The following VPS36 variants were observed in gnomAD, a reference collection of about 807,000 sequenced individuals.
VPS36 encodes the protein vacuolar protein-sorting-associated protein 36.
A neutral mutation model predicts 63.5 loss-of-function variants in VPS36; 31 were observed. That is an observed-to-expected ratio of 0.49 (90% confidence interval 0.37 to 0.66). The LOEUF is 0.66. VPS36 is among the 30% of genes least tolerant of loss of function. The pLI, the probability that VPS36 is intolerant of heterozygous loss-of-function variation, is 0.00. For synonymous variants in VPS36, 138 were observed against 157.2 expected, an observed-to-expected ratio of 0.88 and a Z score of 0.91; for missense variants, 338 against 463.7, an observed-to-expected ratio of 0.73 and a Z score of 2.49.
Position 52,415,860 on chromosome 13 carries a change from A to G in VPS36, c.1131T>C (p.Phe377=), listed in dbSNP as rs1160916500. 1 of 1,614,170 alleles carries G rather than the reference A, an allele frequency of 6.2e-7. No homozygotes were observed. Among genetic ancestry groups the G allele is most frequent in the Non-Finnish European group, 8.5e-7 (1 of 1,180,016 alleles). ...CRDDSVEGLR[F]YPNLFMTQS ...TCTGTGTCATAAATAAATTTGGGTA[A>G]AAACGCAGGCCTTCCACTGAGTCAT... The change falls in exon 14 of 14, where the codon TTT becomes TTC. Residue 377 remains phenylalanine, a synonymous_variant. Transcript: ENST00000378060.
chr13:52,413,170 T>A lies in VPS36; in HGVS notation c.*2660A>T, dbSNP rs901723828. ...GAGACTTTTGGGCAAAAGAACCATT[T>A]TAAGTATTTGAGTATGAGAAAGATG... On this transcript the variant is annotated 3_prime_UTR_variant, in exon 14 of 14. Coordinates refer to ENST00000378060, the MANE Select transcript of VPS36 (RefSeq NM_016075.4). 3 of 152,574 alleles carry A rather than the reference T, an allele frequency of 2.0e-5. 1 individual carries two copies. Among genetic ancestry groups the A allele is most frequent in the Admixed American group, 2.0e-4 (3 of 15,306 alleles). The allele number at this position is 152,574 out of a possible 1,614,324, so 9.5% of individuals were successfully genotyped here. A position where few individuals can be genotyped will look rare whatever the true frequency, so the allele number is the denominator to read the frequency against.
At chr13:52,427,481 CCT>C (rs1958114397) in intron 6 of VPS36, among the ~76,000 whole-genome samples, 1 of 152,138 alleles carries the variant, frequency 6.6e-6, no homozygotes, top group Non-Finnish European at 1.5e-5. Context: ...GTGGCGGGCG[CCT>C]GTAGTCCCAG....
intron 5 of VPS36, among the ~76,000 whole-genome samples, chr13:52,434,037 A>G (rs948248221): frequency 6.6e-6 from 1 of 152,190 alleles, no homozygotes; most frequent in Non-Finnish European, 1.5e-5. Flanking sequence ...TTGGCAAGCT[A>G]TTACGTATCA....
chr13:52,432,023 T>C (rs1033572276), intron 6 of VPS36, among the ~76,000 whole-genome samples: 1 of 152,050 alleles, frequency 6.6e-6, no homozygotes, highest in Non-Finnish European at 1.5e-5. Context: ...TCAAATATGC[T>C]AAACTCCATG....
chr13:52,426,446 C>T (rs1958101446), intron 8 of VPS36, among the ~76,000 whole-genome samples: 2 of 152,208 alleles, frequency 1.3e-5, no homozygotes, highest in Non-Finnish European at 2.9e-5. Context: ...ACAGCCACTC[C>T]TTGTACATTT....
chr13:52,433,562 A>G lies in VPS36; in HGVS notation c.528+100T>C, dbSNP rs1370542838. Reference sequence around the variant, plus strand: ...GAGACTATGTAGCTTCAGGCAAATGAAATATATTCTAAATTACAGAAGGGA... The same window carrying G: ...GAGACTATGTAGCTTCAGGCAAATGGAATATATTCTAAATTACAGAAGGGA... On this transcript the variant is annotated intron_variant, in intron 6 of 13. Transcript: ENST00000378060. The G allele has an allele frequency of 3.0e-6, 3 of 1,004,632 alleles. No homozygotes were observed. In the African/African-American group the frequency reaches 4.9e-5, roughly 16 times the overall value. The allele number at this position is 1,004,632 out of a possible 1,614,324, so 62.2% of individuals were successfully genotyped here. A position where few individuals can be genotyped will look rare whatever the true frequency, so the allele number is the denominator to read the frequency against.
intron 3 of VPS36, among the ~76,000 whole-genome samples, chr13:52,437,371 T>C (rs1182881795): frequency 6.6e-6 from 1 of 152,106 alleles, no homozygotes; most frequent in Non-Finnish European, 1.5e-5. Context: ...AGCAGAATCA[T>C]AGAACTGTCT....
intron 2 of VPS36, among the ~76,000 whole-genome samples, chr13:52,441,513 G>C (rs1050985959): frequency 1.3e-5 from 2 of 152,200 alleles, no homozygotes; most frequent in East Asian, 3.9e-4. Context: ...AGCACTTTGG[G>C]AGGCCGAGGT....
chr13:52,436,443 CA>C, intron 3 of VPS36, 39 bp from the exon 4 acceptor site: 1 of 1,346,930 alleles, frequency 7.4e-7, no homozygotes, highest in Non-Finnish European at 1.0e-6. Flanking sequence ...AATTGTCTTT[CA>C]AAAAAATATA....
At chr13:52,416,235 A>G in intron 12 of VPS36, 142 bp from the exon 13 acceptor site, 1 of 792,714 alleles carries the variant, frequency 1.3e-6, no homozygotes, top group Non-Finnish European at 2.0e-6. Context: ...AATCCAAAGA[A>G]CATTCACACT....
chr13:52,423,867 A>AT (rs927284655), intron 9 of VPS36, among the ~76,000 whole-genome samples: 2 of 151,540 alleles, frequency 1.3e-5, no homozygotes, highest in South Asian at 2.1e-4. Flanking sequence ...TTTTATTTTT[A>AT]TTTTTTTTGA....
At chr13:52,436,520 C>A in intron 3 of VPS36, 116 bp from the exon 4 acceptor site, 1 of 738,756 alleles carries the variant, frequency 1.4e-6, no homozygotes, top group Non-Finnish European at 2.2e-6. Flanking sequence ...TAGAAACAAA[C>A]ATCCCAAAAA....
At chr13:52,433,599 C>T in intron 6 of VPS36, 63 bp downstream of exon 6, 2 of 1,240,946 alleles carry the variant, frequency 1.6e-6, no homozygotes, top group Non-Finnish European at 2.3e-6. Context: ...TTAGGCACAG[C>T]TGTATCTAAA....
intron 1 of VPS36, 92 bp downstream of exon 1, chr13:52,450,407 G>A: frequency 7.2e-7 from 1 of 1,380,058 alleles, no homozygotes; most frequent in Non-Finnish European, 9.4e-7. Context: ...CCGGGGACCG[G>A]GCCGCGCCGA....
intron 1 of VPS36, among the ~76,000 whole-genome samples, chr13:52,446,834 C>T (rs1396211628): frequency 6.6e-6 from 1 of 150,892 alleles, no homozygotes; most frequent in Non-Finnish European, 1.5e-5. Flanking sequence ...ATATAGTTAG[C>T]AGCCTATCAT....
intron 1 of VPS36, among the ~76,000 whole-genome samples, chr13:52,447,432 T>C (rs1264617681): frequency 6.6e-6 from 1 of 152,222 alleles, no homozygotes; most frequent in Non-Finnish European, 1.5e-5. Flanking sequence ...TAACCTTACA[T>C]TATTTTTTAA....
intron 1 of VPS36, among the ~76,000 whole-genome samples, chr13:52,444,126 TA>T (rs759408609): frequency 2.0e-5 from 3 of 152,208 alleles, no homozygotes; most frequent in Non-Finnish European, 4.4e-5. Context: ...TCCAGTTTAT[TA>T]AAATAAGACT....
chr13:52,440,997 C>T (rs1467517118), intron 2 of VPS36, among the ~76,000 whole-genome samples: 1 of 152,118 alleles, frequency 6.6e-6, no homozygotes, highest in Non-Finnish European at 1.5e-5. Flanking sequence ...CAATAGGGTT[C>T]CTGCTCCTAT....
chr13:52,415,925 T>TAA lies in VPS36; in HGVS notation c.1068-4_1068-3dup. 6.2e-7 allele frequency: 1 copy of TAA among 1,601,802 alleles called. No individual in the cohort carries two copies. The highest frequency in any genetic ancestry group is 1.4e-5 in the African/African-American group (1 of 73,952). ...CCCATCTTCTCTGCAAGCAGCAACC[T>TAA]AAAAAAAAACAACAAAAAAACCCCC... On this transcript the variant is annotated splice_polypyrimidine_tract_variant and splice_region_variant and intron_variant, in intron 13 of 13. Transcript: ENST00000378060.
Sources: gnomAD v4.1 joint callset for allele counts (sites outside exome capture counted in the v4.1 genomes callset) on GRCh38, gnomAD v4.1.1 for gene constraint, MANE v1.5 for transcripts, NCBI Gene and HGNC (gene_info 2026-07-23, HGNC 2026-07-21) for gene names.